Variants in DLG2 observed in about 807,000 individuals in gnomAD.
DLG2 encodes the protein discs large MAGUK scaffold protein 2.
In DLG2, 45 loss-of-function variants were observed where a neutral mutation model predicts 132.5. The ratio of observed to expected loss-of-function variants is 0.34; its 90% CI spans 0.27 to 0.44. The LOEUF (loss-of-function observed/expected upper bound fraction) is 0.44. Ranked by LOEUF, DLG2 falls within the 20% of genes least tolerant of loss-of-function variation. The pLI is 1.00. For missense variants in DLG2, 1,045 were observed against 1,196.9 expected, an observed-to-expected ratio of 0.87 and a Z score of 1.87; for synonymous variants, 424 against 419.6, an observed-to-expected ratio of 1.01 and a Z score of -0.13.
chr11:83,822,909 T>A (rs1338878099), intron 17 of DLG2, among the ~76,000 whole-genome samples: 1 of 152,104 alleles, frequency 6.6e-6, no homozygotes, highest in African/African-American at 2.4e-5. Flanking sequence ...GAGCTTGTCA[T>A]GAAAGAAGGA....
chr11:85,242,634 A>G (rs939487373), intron 4 of DLG2, among the ~76,000 whole-genome samples: 4 of 151,536 alleles, frequency 2.6e-5, no homozygotes, highest in African/African-American at 7.3e-5. Context: ...CATTCATTCT[A>G]TTATTCATCC....
At chr11:84,746,547 C>T (rs1331826314) in intron 6 of DLG2, among the ~76,000 whole-genome samples, 4 of 151,874 alleles carry the variant, frequency 2.6e-5, no homozygotes, top group Non-Finnish European at 5.9e-5. Flanking sequence ...CTCTGAGGCT[C>T]AGTTTCTATA....
chr11:85,602,334 C>T (rs1395542503), intron 2 of DLG2, among the ~76,000 whole-genome samples: 2 of 152,190 alleles, frequency 1.3e-5, no homozygotes, highest in African/African-American at 4.8e-5. Flanking sequence ...TACATTACTG[C>T]AATGTTCTAC....
At chr11:84,545,550 G>T in intron 6 of DLG2, 1 of 387,842 alleles carries the variant, frequency 2.6e-6, no homozygotes, top group South Asian at 2.2e-5. Context: ...TGACAGGGAT[G>T]AATTTACTGA....
chr11:85,214,926 T>G (rs1422205504), intron 4 of DLG2, among the ~76,000 whole-genome samples: 1 of 152,150 alleles, frequency 6.6e-6, no homozygotes. Flanking sequence ...TAAGACAAAT[T>G]GCTCCATAAT....
chr11:84,316,823 A>G (rs1599756416), intron 7 of DLG2: 1 of 1,605,542 alleles, frequency 6.2e-7, no homozygotes, highest in Non-Finnish European at 8.5e-7. Flanking sequence ...GAAAAGGCTC[A>G]CCTGTGCTGG....
At chr11:83,961,567 T>C (rs147684380) in intron 14 of DLG2, among the ~76,000 whole-genome samples, 4 of 152,178 alleles carry the variant, frequency 2.6e-5, no homozygotes, top group Admixed American at 2.6e-4. Flanking sequence ...TGTGTGTTTT[T>C]CGGAGGATTA....
In DLG2 at chr11:84,626,881, T is replaced by TTTA. The variant is rs1555110326; in HGVS notation, c.358-92153_358-92151dup. On this transcript the variant is annotated intron_variant, in intron 6 of 27. Coordinates refer to ENST00000376104, the MANE Select transcript of DLG2 (RefSeq NM_001142699.3). ...TTTATTTTATTTTATTTTATTTTAT[T>TTTA]TTATTTTTGAGATGGAGTCTCACTC... Among the ~76,000 whole-genome samples, 127 of 147,680 alleles carry TTTA rather than the reference T, an allele frequency of 8.6e-4. 1 individual carries two copies. The highest frequency in any genetic ancestry group is 2.5e-3 in the African/African-American group (101 of 39,632).
intron 10 of DLG2, among the ~76,000 whole-genome samples, chr11:84,060,791 C>T (rs2096579372): frequency 6.6e-6 from 1 of 151,970 alleles, no homozygotes; most frequent in Admixed American, 6.6e-5. Flanking sequence ...AAATGAGGGG[C>T]CTCCTTTGCT....
chr11:84,634,952 T>C (rs939037049), intron 6 of DLG2, among the ~76,000 whole-genome samples: 1 of 152,164 alleles, frequency 6.6e-6, no homozygotes, highest in Non-Finnish European at 1.5e-5. Context: ...AGGCAATAGA[T>C]GAAGACTACA....
chr11:85,034,281 T>C (rs528049606), intron 6 of DLG2, among the ~76,000 whole-genome samples: 21 of 152,180 alleles, frequency 1.4e-4, no homozygotes, highest in South Asian at 8.3e-4. Context: ...AGTTTCACCA[T>C]GTTAGCCGGG....
intron 5 of DLG2, among the ~76,000 whole-genome samples, chr11:85,118,707 G>T (rs147745772): frequency 6.6e-6 from 1 of 152,064 alleles, no homozygotes; most frequent in East Asian, 1.9e-4. Context: ...CTAGATAGTA[G>T]AGGAGAGAGT....
rs57863742 is a variant in DLG2, at chr11:84,667,498, GTTTTTT to G, written c.358-132773_358-132768del. On this transcript the variant is annotated intron_variant, in intron 6 of 27. Coordinates refer to ENST00000376104, the MANE Select transcript of DLG2 (RefSeq NM_001142699.3). ...TTTTTGTTTTTGTTTTTTGTTTTTT[GTTTTTT>G]TTTTTTTTTTGAGTCATAGTCCTGC... Among the ~76,000 whole-genome samples, 255 of 122,250 alleles carry G rather than the reference GTTTTTT, an allele frequency of 2.1e-3. 2 individuals are homozygous for G. The highest frequency in any genetic ancestry group is 7.1e-3 in the African/African-American group (232 of 32,624). 80.2% of individuals were successfully genotyped at this position (122,250 alleles called of 152,430 possible).
intron 2 of DLG2, among the ~76,000 whole-genome samples, chr11:85,605,991 A>G (rs2080507389): frequency 6.6e-6 from 1 of 152,154 alleles, no homozygotes; most frequent in African/African-American, 2.4e-5. Flanking sequence ...GAAAAAAAAA[A>G]AGAATGGTAT....
intron 10 of DLG2, among the ~76,000 whole-genome samples, chr11:84,080,157 A>G (rs2096883241): frequency 6.6e-6 from 1 of 152,228 alleles, no homozygotes; most frequent in Non-Finnish European, 1.5e-5. Context: ...TGTCTGAAGC[A>G]CAACAGAATA....
At chr11:83,912,848 T>A (rs140349401) in intron 15 of DLG2, among the ~76,000 whole-genome samples, 25 of 152,206 alleles carry the variant, frequency 1.6e-4, no homozygotes, top group African/African-American at 5.3e-4. Flanking sequence ...AGAACATCCA[T>A]GAGTGCTGGA....
At chr11:84,985,902 G>A (rs2056413159) in intron 6 of DLG2, among the ~76,000 whole-genome samples, 2 of 131,776 alleles carry the variant, frequency 1.5e-5, no homozygotes, top group African/African-American at 5.7e-5. Flanking sequence ...TGGGGCAGGA[G>A]AATCACTTGA....
At chr11:83,723,095 A>G (rs567665429) in intron 18 of DLG2, among the ~76,000 whole-genome samples, 1 of 152,076 alleles carries the variant, frequency 6.6e-6, no homozygotes, top group South Asian at 2.1e-4. Flanking sequence ...AAAAACAACA[A>G]AACGGCCAGG....
chr11:84,817,131 C>T (rs1307132198), intron 6 of DLG2, among the ~76,000 whole-genome samples: 1 of 151,984 alleles, frequency 6.6e-6, no homozygotes, highest in Non-Finnish European at 1.5e-5. Flanking sequence ...AAATTAGGCA[C>T]TCAGAGCAAT....
Sources: gnomAD v4.1 joint callset for allele counts (sites outside exome capture counted in the v4.1 genomes callset) on GRCh38, gnomAD v4.1.1 for gene constraint, MANE v1.5 for transcripts, NCBI Gene and HGNC (gene_info 2026-07-23, HGNC 2026-07-21) for gene names.